Variants in SUGCT observed in about 807,000 individuals in gnomAD.
SUGCT encodes succinyl-CoA:glutarate-CoA transferase.
Under a neutral mutation model 55.0 loss-of-function variants are expected in SUGCT, and 41 were observed. The ratio of observed to expected loss-of-function variants is 0.74; its 90% CI spans 0.58 to 0.97. SUGCT has a LOEUF of 0.97. SUGCT is among the 50% of genes least tolerant of loss of function. The probability of loss-of-function intolerance (pLI) is 0.00; values close to 1 mark genes in which losing one functional copy is unlikely to be tolerated. For synonymous variants in SUGCT, 187 were observed against 200.4 expected, an observed-to-expected ratio of 0.93 and a Z score of 0.56; for missense variants, 568 against 547.8, an observed-to-expected ratio of 1.04 and a Z score of -0.37.
At chr7:40,896,130 A>G in the SUGCT span, among the ~76,000 whole-genome samples, 1 of 152,220 alleles carries the variant, frequency 6.6e-6, no homozygotes, top group African/African-American at 2.4e-5. Context: ...TCAAACAAAT[A>G]AACAAATTTA....
chr7:40,695,698 A>G lies in SUGCT; in HGVS notation c.1090-53736A>G, dbSNP rs189106997. On this transcript the variant is annotated intron_variant, in intron 12 of 13. Transcript: ENST00000335693. ...ATTATTAGTATTCCATTAAGACAGAATTTTTTAGTGTTGGCACTACTGACA... is the reference window on the plus strand; with the variant it reads ...ATTATTAGTATTCCATTAAGACAGAGTTTTTTAGTGTTGGCACTACTGACA... 2.0e-5 allele frequency among the ~76,000 whole-genome samples: 3 copies of G among 152,192 alleles called. No individual in the cohort carries two copies. In the East Asian group the frequency reaches 5.8e-4, roughly 29 times the overall value.
chr7:40,218,914 C>G (rs1398356954), intron 6 of SUGCT, among the ~76,000 whole-genome samples: 1 of 152,192 alleles, frequency 6.6e-6, no homozygotes, highest in Admixed American at 6.5e-5. Context: ...AAGCTGGCCA[C>G]CCGAGCCAGT....
chr7:40,596,766 C>T (rs1450819192), intron 12 of SUGCT, among the ~76,000 whole-genome samples: 1 of 152,112 alleles, frequency 6.6e-6, no homozygotes, highest in African/African-American at 2.4e-5. Context: ...ACTTGTCTTC[C>T]CTATTACCTC....
chr7:40,292,057 A>G (rs570026036), intron 8 of SUGCT, among the ~76,000 whole-genome samples: 3 of 152,320 alleles, frequency 2.0e-5, no homozygotes, highest in Non-Finnish European at 2.9e-5. Flanking sequence ...TTTAGGGGCA[A>G]TTTGTTACAG....
the SUGCT span, among the ~76,000 whole-genome samples, chr7:40,932,242 G>A: frequency 6.6e-6 from 1 of 152,186 alleles, no homozygotes; most frequent in African/African-American, 2.4e-5. Context: ...TTTTGAGTGA[G>A]TTTCTTAATC....
intron 13 of SUGCT, among the ~76,000 whole-genome samples, chr7:40,842,578 T>G (rs1793330598): frequency 6.6e-6 from 1 of 152,228 alleles, no homozygotes; most frequent in South Asian, 2.1e-4. Flanking sequence ...ACTCTTCCTC[T>G]TCATTTATTT....
intron 9 of SUGCT, among the ~76,000 whole-genome samples, chr7:40,357,327 A>T (rs1049474119): frequency 9.2e-5 from 14 of 152,162 alleles, no homozygotes; most frequent in African/African-American, 2.9e-4. Context: ...TAATTTAATT[A>T]AAAAAATTCA....
chr7:40,369,248 T>C lies in SUGCT; in HGVS notation c.816+52393T>C, dbSNP rs188295360. On this transcript the variant is annotated intron_variant, in intron 9 of 13. Transcript: ENST00000335693. ...TACTTCAACACATTTAGCAAAATTCTTGTTGTAATTGTCTTCCCTCTGCTT... is the reference window on the plus strand; with the variant it reads ...TACTTCAACACATTTAGCAAAATTCCTGTTGTAATTGTCTTCCCTCTGCTT... Among the ~76,000 whole-genome samples the C allele has an allele frequency of 1.3e-3, 204 of 152,284 alleles. No individual in the cohort carries two copies. In the Middle Eastern group the frequency reaches 0.017, roughly 13 times the overall value.
intron 10 of SUGCT, among the ~76,000 whole-genome samples, chr7:40,450,031 C>A (rs770869028): frequency 6.6e-6 from 1 of 152,120 alleles, no homozygotes; most frequent in African/African-American, 2.4e-5. Flanking sequence ...TTGCTCCAAG[C>A]GATTCTCCTG....
intron 9 of SUGCT, among the ~76,000 whole-genome samples, chr7:40,340,782 C>T (rs999019326): frequency 2.6e-5 from 4 of 152,172 alleles, no homozygotes; most frequent in Admixed American, 6.5e-5. Flanking sequence ...GATAGAAGGT[C>T]GACTGGAGAA....
At chr7:40,660,673 G>A (rs1256160148) in intron 12 of SUGCT, among the ~76,000 whole-genome samples, 1 of 152,150 alleles carries the variant, frequency 6.6e-6, no homozygotes, top group Non-Finnish European at 1.5e-5. Context: ...ATTCAGGCGG[G>A]CATACCTTAG....
intron 9 of SUGCT, among the ~76,000 whole-genome samples, chr7:40,429,079 A>G (rs905924596): frequency 6.6e-5 from 10 of 151,840 alleles, no homozygotes; most frequent in African/African-American, 2.4e-4. Flanking sequence ...AATGGTTACT[A>G]TAGTGAAGCA....
At chr7:40,971,675 G>A in the SUGCT span, among the ~76,000 whole-genome samples, 1 of 152,130 alleles carries the variant, frequency 6.6e-6, no homozygotes, top group Non-Finnish European at 1.5e-5. Flanking sequence ...GTTAGATTCT[G>A]AGACTGATCT....
At chr7:40,806,087 CTGTT>C (rs1791074929) in intron 13 of SUGCT, among the ~76,000 whole-genome samples, 2 of 152,300 alleles carry the variant, frequency 1.3e-5, no homozygotes, top group Middle Eastern at 3.4e-3. Context: ...ATGAGTTACT[CTGTT>C]TGTAAAAGAA....
chr7:40,654,883 G>A (rs906419574), intron 12 of SUGCT, among the ~76,000 whole-genome samples: 2 of 152,106 alleles, frequency 1.3e-5, no homozygotes, highest in African/African-American at 4.8e-5. Context: ...TCAAGTGGGG[G>A]AAAATAGACA....
chr7:40,690,314 CAATTTATAA>C (rs1784638144), intron 12 of SUGCT, among the ~76,000 whole-genome samples: 1 of 152,080 alleles, frequency 6.6e-6, no homozygotes, highest in Admixed American at 6.6e-5. Context: ...GCTCAAAAAA[CAATTTATAA>C]AACGTTTTAG....
At chr7:40,337,004 G>A (rs930636782) in intron 9 of SUGCT, among the ~76,000 whole-genome samples, 1 of 152,122 alleles carries the variant, frequency 6.6e-6, no homozygotes, top group Non-Finnish European at 1.5e-5. Context: ...ATTTAATTAT[G>A]TACCCAGTAG....
the SUGCT span, among the ~76,000 whole-genome samples, chr7:40,971,121 G>A: frequency 6.6e-5 from 10 of 152,256 alleles, no homozygotes; most frequent in East Asian, 3.9e-4. Context: ...CTTGGCTGCC[G>A]GGGATGCCTC....
intron 9 of SUGCT, among the ~76,000 whole-genome samples, chr7:40,366,718 C>T (rs1239053775): frequency 6.6e-6 from 1 of 151,992 alleles, no homozygotes; most frequent in Non-Finnish European, 1.5e-5. Flanking sequence ...CAATGAGATA[C>T]CATCTCCCAC....
Sources: allele counts gnomAD v4.1 joint callset (sites outside exome capture counted in the v4.1 genomes callset), GRCh38; gene constraint gnomAD v4.1.1; transcripts MANE v1.5; gene names NCBI Gene and HGNC (gene_info 2026-07-23, HGNC 2026-07-21).